The following CDH8 variants were observed in gnomAD, a reference collection of about 807,000 sequenced individuals.
CDH8 encodes cadherin-8.
Under a neutral mutation model 68.1 loss-of-function variants are expected in CDH8, and 17 were observed. That is an observed-to-expected ratio of 0.25 (90% CI 0.17 to 0.37). The LOEUF (loss-of-function observed/expected upper bound fraction) is 0.37, where lower values mean the gene tolerates loss of function less well. Among genes scored for constraint, CDH8 ranks in the 10% least tolerant of loss-of-function variants. The pLI is 1.00. For synonymous variants in CDH8, 372 were observed against 365.1 expected (o/e 1.02, Z -0.21); for missense variants, 763 against 999.3 (o/e 0.76, Z 3.19).
At chr16:61,814,133 A>G (rs1313676248) in intron 7 of CDH8, among the ~76,000 whole-genome samples, 1 of 152,204 alleles carries the variant, frequency 6.6e-6, no homozygotes, top group Non-Finnish European at 1.5e-5. Context: ...TTAACACTGC[A>G]AGAAAGATGA....
chr16:62,035,599 A>C (rs1013454010), intron 1 of CDH8, among the ~76,000 whole-genome samples: 1 of 152,178 alleles, frequency 6.6e-6, no homozygotes. Flanking sequence ...GAGGCGGTGC[A>C]GAAAACCAGC....
intron 2 of CDH8, among the ~76,000 whole-genome samples, chr16:61,910,349 AAAAG>A (rs1308336289): frequency 6.6e-6 from 1 of 151,880 alleles, no homozygotes; most frequent in Non-Finnish European, 1.5e-5. Context: ...AAAAAAAAAA[AAAAG>A]GCAACAGAAA....
intron 10 of CDH8, among the ~76,000 whole-genome samples, chr16:61,678,302 C>T (rs1053543389): frequency 3.3e-5 from 5 of 152,090 alleles, no homozygotes; most frequent in South Asian, 2.1e-4. Flanking sequence ...GGCTGTGTCA[C>T]GGGTCATTGG....
intron 10 of CDH8, among the ~76,000 whole-genome samples, chr16:61,658,805 A>G (rs1963500738): frequency 6.6e-6 from 1 of 152,180 alleles, no homozygotes; most frequent in South Asian, 2.1e-4. Flanking sequence ...ATATTGAAAT[A>G]TTAACCAATT....
chr16:61,697,023 T>C (rs1964338823), intron 10 of CDH8, among the ~76,000 whole-genome samples: 1 of 152,138 alleles, frequency 6.6e-6, no homozygotes, highest in South Asian at 2.1e-4. Context: ...ATTATTCATA[T>C]ATAAAAGCTC....
intron 10 of CDH8, among the ~76,000 whole-genome samples, chr16:61,673,871 A>C (rs566833091): frequency 7.1e-4 from 108 of 152,262 alleles, no homozygotes; most frequent in Non-Finnish European, 1.4e-3. Flanking sequence ...AGAGTGGAGG[A>C]AACTCTGCAG....
chr16:61,724,542 A>G (rs1959286663), intron 9 of CDH8, among the ~76,000 whole-genome samples: 1 of 150,468 alleles, frequency 6.6e-6, no homozygotes, highest in South Asian at 2.1e-4. Flanking sequence ...TTCCAGCTAC[A>G]CCATCTCCCA....
chr16:61,905,514 G>A (rs1221129572), intron 2 of CDH8, among the ~76,000 whole-genome samples: 2 of 151,972 alleles, frequency 1.3e-5, no homozygotes, highest in African/African-American at 2.4e-5. Flanking sequence ...TATTTATAAT[G>A]TTATATTCAC....
At chr16:61,809,947 T>G (rs557884645) in intron 7 of CDH8, among the ~76,000 whole-genome samples, 1 of 152,316 alleles carries the variant, frequency 6.6e-6, no homozygotes, top group Admixed American at 6.5e-5. Flanking sequence ...AGAGCTCCAT[T>G]AGGGATTTGC....
chr16:61,831,804 G>C (rs1400881793), intron 4 of CDH8, among the ~76,000 whole-genome samples: 1 of 151,752 alleles, frequency 6.6e-6, no homozygotes, highest in African/African-American at 2.4e-5. Context: ...GCTGTTCAAA[G>C]ATTGCAGTTG....
chr16:61,666,959 C>G (rs1296597768), intron 10 of CDH8, among the ~76,000 whole-genome samples: 1 of 151,970 alleles, frequency 6.6e-6, no homozygotes, highest in South Asian at 2.1e-4. Context: ...CCTTTCTACT[C>G]TAAATAATGA....
chr16:61,931,086 A>C (rs533073660), intron 2 of CDH8, among the ~76,000 whole-genome samples: 22 of 152,324 alleles, frequency 1.4e-4, no homozygotes, highest in African/African-American at 4.8e-4. Flanking sequence ...CACCATTTCG[A>C]AATTGTGAGA....
rs202212707 is a variant in CDH8 at position 61,774,862 on chromosome 16, C to T, written c.1414+14484G>A. ...TTTAAAAGAAAATAAACACGTACAA[C>T]AAAGTGAGGACTTATAACAAAGGAA... On this transcript the variant is annotated intron_variant, in intron 8 of 11. Transcript: ENST00000577390. 4.6e-5 allele frequency among the ~76,000 whole-genome samples: 7 copies of T among 152,194 alleles called. No homozygotes were observed. The East Asian group carries it at 1.4e-3, about 29-fold the overall frequency.
At chr16:61,906,530 T>C (rs568498603) in intron 2 of CDH8, among the ~76,000 whole-genome samples, 1 of 152,316 alleles carries the variant, frequency 6.6e-6, no homozygotes, top group Non-Finnish European at 1.5e-5. Flanking sequence ...TCAGCACCAT[T>C]ATACCCTCAT....
At chr16:61,732,664 T>C (rs1050401856) in intron 8 of CDH8, among the ~76,000 whole-genome samples, 6 of 151,760 alleles carry the variant, frequency 4.0e-5, no homozygotes, top group Non-Finnish European at 7.4e-5. Flanking sequence ...TAGACAATAA[T>C]TCTAATCCAA....
At chr16:61,811,811 A>G (rs926082417) in intron 7 of CDH8, among the ~76,000 whole-genome samples, 3 of 152,190 alleles carry the variant, frequency 2.0e-5, no homozygotes, top group African/African-American at 4.8e-5. Flanking sequence ...AAGGACAAAT[A>G]CTGCATGATT....
chr16:61,783,965 C>T (rs1310429308), intron 8 of CDH8, among the ~76,000 whole-genome samples: 1 of 152,150 alleles, frequency 6.6e-6, no homozygotes, highest in Non-Finnish European at 1.5e-5. Flanking sequence ...ACAACCGGTA[C>T]CAGCTGCTGC....
intron 3 of CDH8, among the ~76,000 whole-genome samples, chr16:61,898,427 G>C (rs1414603551): frequency 6.6e-6 from 1 of 152,156 alleles, no homozygotes; most frequent in East Asian, 1.9e-4. Flanking sequence ...GAAATCACTT[G>C]TGATTTGCTG....
At chr16:61,873,044 TA>T (rs1963398390) in intron 3 of CDH8, among the ~76,000 whole-genome samples, 1 of 152,214 alleles carries the variant, frequency 6.6e-6, no homozygotes, top group Non-Finnish European at 1.5e-5. Context: ...GATAACAGCT[TA>T]AACTTTATTT....
Sources: gnomAD v4.1 joint callset for allele counts (sites outside exome capture counted in the v4.1 genomes callset) on GRCh38, gnomAD v4.1.1 for gene constraint, MANE v1.5 for transcripts, NCBI Gene and HGNC (gene_info 2026-07-23, HGNC 2026-07-21) for gene names.